The following MAGI2 variants were observed in gnomAD, a reference collection of about 807,000 sequenced individuals.
MAGI2 encodes membrane associated guanylate kinase, WW and PDZ domain containing 2.
Under a neutral mutation model 133.3 loss-of-function variants are expected in MAGI2, and 35 were observed. The ratio of observed to expected loss-of-function variants is 0.26; its 90% CI spans 0.20 to 0.35. MAGI2 has a LOEUF of 0.35. Ranked by LOEUF, MAGI2 falls within the 10% of genes least tolerant of loss-of-function variation. MAGI2 has a pLI of 1.00. For synonymous variants in MAGI2, 729 were observed against 710.6 expected (o/e 1.03, Z -0.41); for missense variants, 1,636 against 1,863.4 (o/e 0.88, Z 2.25).
chr7:78,458,928 C>T (rs113648261), intron 6 of MAGI2, among the ~76,000 whole-genome samples: 4,015 of 152,126 alleles, frequency 0.026, 79 homozygotes, highest in Middle Eastern at 0.075. Flanking sequence ...GCCACTGGGC[C>T]GGGCTCATTA....
chr7:79,200,624 AG>A (rs1319928111), intron 1 of MAGI2, among the ~76,000 whole-genome samples: 2 of 150,814 alleles, frequency 1.3e-5, no homozygotes, highest in African/African-American at 4.9e-5. Flanking sequence ...AAAAAAAAAA[AG>A]TTTATATCTA....
intron 10 of MAGI2, among the ~76,000 whole-genome samples, chr7:78,207,510 C>T (rs1787220628): frequency 6.6e-6 from 1 of 152,158 alleles, no homozygotes; most frequent in African/African-American, 2.4e-5. Flanking sequence ...AAAATTTAGC[C>T]TTTGGTAAAT....
At chr7:78,673,442 C>T (rs770017831) in intron 2 of MAGI2, among the ~76,000 whole-genome samples, 20 of 151,886 alleles carry the variant, frequency 1.3e-4, no homozygotes, top group Non-Finnish European at 2.2e-4. Flanking sequence ...AGTACTTGGT[C>T]ACAGTCCAAG....
At chr7:78,431,706 T>C (rs952732330) in intron 6 of MAGI2, among the ~76,000 whole-genome samples, 4 of 152,080 alleles carry the variant, frequency 2.6e-5, no homozygotes, top group African/African-American at 9.7e-5. Context: ...TGTTGTGACC[T>C]GAAACATTAT....
chr7:79,368,847 CAAAAAAAAAA>C (rs71095400), intron 1 of MAGI2, among the ~76,000 whole-genome samples: 1,169 of 75,310 alleles, frequency 0.016, 19 homozygotes, highest in Non-Finnish European at 0.026. Flanking sequence ...GACTCCGTCT[CAAAAAAAAAA>C]AAAAAAAAAA....
chr7:78,332,783 G>A lies in MAGI2; in HGVS notation c.1408+10995C>T, dbSNP rs527373198. Among the ~76,000 whole-genome samples the A allele has an allele frequency of 4.6e-5, 7 of 151,860 alleles. No homozygotes were observed. In the South Asian group the frequency reaches 1.5e-3, roughly 32 times the overall value. ...CCTCACTGTGAGAGGTCATGTTATT[G>A]GTCTGAGAGATACATTACTAGCAGT... On this transcript the variant is annotated intron_variant, in intron 9 of 21. Coordinates refer to ENST00000354212, the MANE Select transcript of MAGI2 (RefSeq NM_012301.4).
intron 2 of MAGI2, among the ~76,000 whole-genome samples, chr7:78,676,598 T>C (rs937367520): frequency 2.6e-5 from 4 of 152,154 alleles, no homozygotes; most frequent in African/African-American, 4.8e-5. Flanking sequence ...CTACAGATTA[T>C]TTCAGCTCAA....
intron 1 of MAGI2, among the ~76,000 whole-genome samples, chr7:79,431,155 A>T (rs1847753845): frequency 6.6e-6 from 1 of 152,212 alleles, no homozygotes; most frequent in African/African-American, 2.4e-5. Context: ...TAAGCTCCAC[A>T]TGAGCATACT....
intron 3 of MAGI2, among the ~76,000 whole-genome samples, chr7:78,536,759 G>T (rs113011389): frequency 4.1e-4 from 50 of 122,368 alleles, no homozygotes; most frequent in South Asian, 7.7e-4. Context: ...TTTTGTTGTT[G>T]TTTTTTTTTT....
chr7:79,084,298 C>G (rs1445766476), intron 1 of MAGI2, among the ~76,000 whole-genome samples: 3 of 151,660 alleles, frequency 2.0e-5, no homozygotes, highest in African/African-American at 7.2e-5. Context: ...ACAGATTTCT[C>G]TCTATTCACC....
chr7:79,023,442 T>A (rs1264513686), intron 1 of MAGI2, among the ~76,000 whole-genome samples: 1 of 152,134 alleles, frequency 6.6e-6, no homozygotes, highest in African/African-American at 2.4e-5. Flanking sequence ...GGATGTCCTC[T>A]CTCACCACTC....
At chr7:78,055,844 T>C (rs746542368) in intron 21 of MAGI2, among the ~76,000 whole-genome samples, 7 of 152,194 alleles carry the variant, frequency 4.6e-5, no homozygotes, top group Non-Finnish European at 8.8e-5. Context: ...GGCTGCATAA[T>C]GTATCAAATG....
chr7:79,174,264 C>T (rs2215583), intron 1 of MAGI2, among the ~76,000 whole-genome samples: 8,406 of 151,840 alleles, frequency 0.055, 479 homozygotes, highest in East Asian at 0.16. Flanking sequence ...ATATCCTTGT[C>T]TTCTGCTAAA....
chr7:78,968,499 T>C (rs1251368402), intron 2 of MAGI2, among the ~76,000 whole-genome samples: 2 of 151,988 alleles, frequency 1.3e-5, no homozygotes, highest in African/African-American at 2.4e-5. Context: ...TATTTCATTA[T>C]TTTTGATGTT....
At chr7:79,025,938 G>A (rs1809842936) in intron 1 of MAGI2, among the ~76,000 whole-genome samples, 1 of 152,192 alleles carries the variant, frequency 6.6e-6, no homozygotes. Context: ...GACTATGACA[G>A]TGAATTATAT....
intron 6 of MAGI2, among the ~76,000 whole-genome samples, chr7:78,409,939 T>G (rs1190690405): frequency 1.3e-5 from 2 of 152,040 alleles, no homozygotes; most frequent in Non-Finnish European, 2.9e-5. Context: ...TTGCTATATT[T>G]GATTAGAAAG....
chr7:79,317,290 T>A (rs989625196), intron 1 of MAGI2, among the ~76,000 whole-genome samples: 1 of 152,042 alleles, frequency 6.6e-6, no homozygotes, highest in Non-Finnish European at 1.5e-5. Flanking sequence ...TCCCAAAGTG[T>A]TGGGATTACA....
At chr7:78,473,605 T>C (rs1791446406) in intron 6 of MAGI2, among the ~76,000 whole-genome samples, 1 of 152,082 alleles carries the variant, frequency 6.6e-6, no homozygotes, top group African/African-American at 2.4e-5. Flanking sequence ...ATCTTCTAAA[T>C]GAAGTCCTTC....
At chr7:79,028,360 CACACACACACAT>C (rs1810233260) in intron 1 of MAGI2, among the ~76,000 whole-genome samples, 1 of 141,076 alleles carries the variant, frequency 7.1e-6, no homozygotes, top group South Asian at 2.2e-4. Context: ...CACACATACA[CACACACACACAT>C]GCATACGCAT....
Sources: gnomAD v4.1 joint callset for allele counts (sites outside exome capture counted in the v4.1 genomes callset) on GRCh38, gnomAD v4.1.1 for gene constraint, MANE v1.5 for transcripts, NCBI Gene and HGNC (gene_info 2026-07-23, HGNC 2026-07-21) for gene names.